The following DEF8 variants were observed in gnomAD, a reference collection of about 807,000 sequenced individuals.
The protein encoded by DEF8 is differentially expressed in FDCP 8 homolog, also known as DEF-8.
Under a neutral mutation model 59.1 loss-of-function variants are expected in DEF8, and 38 were observed. The observed-to-expected ratio is 0.64, with a 90% CI of 0.50 to 0.84. The LOEUF (loss-of-function observed/expected upper bound fraction) is 0.84. Among genes scored for constraint, DEF8 ranks in the 40% least tolerant of loss-of-function variants. DEF8 has a pLI of 0.00. For missense variants in DEF8, 557 were observed against 615.2 expected, an observed-to-expected ratio of 0.91 and a Z score of 1.00; for synonymous variants, 265 against 250.1, an observed-to-expected ratio of 1.06 and a Z score of -0.56.
At chr16:89,955,310 C>T (rs757834049) in intron 4 of DEF8, 44 bp downstream of exon 4, 6 of 1,553,330 alleles carry the variant, frequency 3.9e-6, no homozygotes, top group Middle Eastern at 1.7e-4. Flanking sequence ...GAGGGAACCC[C>T]CAAGGCAGGA....
At chr16:89,961,630 C>A in intron 7 of DEF8, 107 bp from the exon 8 acceptor site, 1 of 1,415,710 alleles carries the variant, frequency 7.1e-7, no homozygotes. Flanking sequence ...GACATGTTCC[C>A]ATGTCTCCCC....
At position 89,949,109 on chromosome 16, in the gene DEF8, TCGGGGCCGGCGGGGA is replaced by T. The variant is rs1267877782; in HGVS notation, c.-107-301_-107-287del. Among the ~76,000 whole-genome samples the T allele has an allele frequency of 3.6e-4, 20 of 55,044 alleles. No homozygotes were observed. The East Asian group carries it at 7.7e-3, about 21-fold the overall frequency. The allele number at this position is 55,044 out of a possible 152,430, so 36.1% of individuals were successfully genotyped here. A position where few individuals can be genotyped will look rare whatever the true frequency, so the allele number is the denominator to read the frequency against. On this transcript the variant is annotated intron_variant, in intron 1 of 12. Transcript: ENST00000563594. ...GCCGGCGGGGACGGGGCCGGCGAGG[TCGGGGCCGGCGGGGA>T]CGGGGCTGGGAGGGCGGCCCGCCCG... is the stretch of plus-strand genomic sequence containing the variant.
chr16:89,952,217 A>C (rs11859206), intron 2 of DEF8, among the ~76,000 whole-genome samples: 24,258 of 152,178 alleles, frequency 0.16, 2,334 homozygotes, highest in African/African-American at 0.26. Context: ...GCCTCATTGC[A>C]TTGGGCCTGG....
chr16:89,964,050 G>C, intron 10 of DEF8, 120 bp from the exon 11 acceptor site: 1 of 1,364,850 alleles, frequency 7.3e-7, no homozygotes, highest in Non-Finnish European at 1.0e-6. Flanking sequence ...CTGGGGCCCA[G>C]ACCCTTGTGT....
chr16:89,951,837 C>CAT (rs975083555), intron 2 of DEF8, among the ~76,000 whole-genome samples: 1 of 151,944 alleles, frequency 6.6e-6, no homozygotes, highest in African/African-American at 2.4e-5. Context: ...CACACACACA[C>CAT]ATATATATGT....
intron 7 of DEF8, 91 bp from the exon 8 acceptor site, chr16:89,961,646 C>T: frequency 1.3e-6 from 2 of 1,524,090 alleles, no homozygotes; most frequent in East Asian, 2.2e-5. Context: ...TCCCCGAGGG[C>T]TGTGGTCCAT....
intron 10 of DEF8, chr16:89,963,936 AG>A: frequency 1.6e-6 from 1 of 611,462 alleles, no homozygotes; most frequent in Admixed American, 2.4e-5. Flanking sequence ...TGTGGCTGGG[AG>A]GGGCTGCCTT....
At chr16:89,952,188 A>G (rs539073745) in intron 2 of DEF8, among the ~76,000 whole-genome samples, 1 of 152,322 alleles carries the variant, frequency 6.6e-6, no homozygotes, top group Non-Finnish European at 1.5e-5. Context: ...ATATTTGTAT[A>G]AAATTTAATA....
intron 7 of DEF8, 109 bp from the exon 8 acceptor site, chr16:89,961,628 C>A: frequency 7.2e-7 from 1 of 1,388,756 alleles, no homozygotes; most frequent in Non-Finnish European, 1.0e-6. Context: ...AGGACATGTT[C>A]CCATGTCTCC....
In DEF8 at chr16:89,966,022, C is replaced by A; in HGVS notation, c.*59C>A. 7.4e-7 allele frequency: 1 copy of A among 1,354,736 alleles called. No individual in the cohort carries two copies. Among genetic ancestry groups the A allele is most frequent in the Non-Finnish European group, 1.0e-6 (1 of 960,550 alleles). The allele number at this position is 1,354,736 out of a possible 1,614,324, so 83.9% of individuals were successfully genotyped here. ...CCGCCAGGACCCACCCTGCCAACAT[C>A]AAGTTGTTCCTTCTGCTCCGGAGAC... On this transcript the variant is annotated 3_prime_UTR_variant, in exon 13 of 13. Transcript: ENST00000563594.
intron 12 of DEF8, among the ~76,000 whole-genome samples, chr16:89,965,155 A>G (rs954777871): frequency 1.4e-4 from 21 of 152,366 alleles, no homozygotes; most frequent in Non-Finnish European, 2.8e-4. Flanking sequence ...TCTTGGAAAA[A>G]TAATGTACAC....
intron 6 of DEF8, among the ~76,000 whole-genome samples, chr16:89,960,382 G>A (rs1018499238): frequency 6.6e-6 from 1 of 152,144 alleles, no homozygotes; most frequent in Non-Finnish European, 1.5e-5. Flanking sequence ...GGTGGCTCAC[G>A]CCTGTAATCC....
intron 2 of DEF8, among the ~76,000 whole-genome samples, chr16:89,950,582 G>C (rs1227273296): frequency 6.6e-6 from 1 of 152,070 alleles, no homozygotes; most frequent in Non-Finnish European, 1.5e-5. Context: ...TACAGACGGG[G>C]TTTCACCATG....
intron 4 of DEF8, chr16:89,956,707 C>G (rs1482967552): frequency 6.6e-6 from 1 of 152,156 alleles, no homozygotes. Flanking sequence ...CGGGGTCTCG[C>G]TCTGTTGCCC....
At chr16:89,957,487 T>C (rs2033399127) in intron 4 of DEF8, 24 bp from the exon 5 acceptor site, 1 of 1,562,170 alleles carries the variant, frequency 6.4e-7, no homozygotes, top group African/African-American at 1.4e-5. Flanking sequence ...GGCCTTTGAC[T>C]GCCCCCGCCC....
chr16:89,961,965 C>T (rs748004294), intron 8 of DEF8, 47 bp from the exon 9 acceptor site: 19 of 1,609,430 alleles, frequency 1.2e-5, no homozygotes, highest in African/African-American at 5.3e-5. Context: ...GCCCGCTGCA[C>T]GGGCCCTGGG....
chr16:89,961,592 C>T (rs2034031450), intron 7 of DEF8, 145 bp from the exon 8 acceptor site: 1 of 969,396 alleles, frequency 1.0e-6, no homozygotes, highest in Non-Finnish European at 1.6e-6. Context: ...GACGCTGGGA[C>T]CACCTGAGGT....
chr16:89,960,795 C>T lies in DEF8; in HGVS notation c.515-136C>T, dbSNP rs1367144969. 7 of 903,206 alleles carry T rather than the reference C, an allele frequency of 7.8e-6. No homozygotes were observed. The African/African-American group carries it at 1.0e-4, about 13-fold the overall frequency. 55.9% of individuals were successfully genotyped at this position (903,206 alleles called of 1,614,324 possible). On this transcript the variant is annotated intron_variant, in intron 6 of 12. Transcript: ENST00000563594. ...AGGATCTTTGAGGTTCTAAGGCCTC[C>T]CTTGGTGCCAGGAGGTCTTAGATTG...
intron 12 of DEF8, among the ~76,000 whole-genome samples, chr16:89,964,909 G>A (rs747546696): frequency 1.8e-4 from 27 of 152,186 alleles, no homozygotes; most frequent in African/African-American, 1.4e-4. Context: ...TACTAGGATT[G>A]AAGTCACTCT....
Sources: gnomAD v4.1 joint callset for allele counts (sites outside exome capture counted in the v4.1 genomes callset) on GRCh38, gnomAD v4.1.1 for gene constraint, MANE v1.5 for transcripts, NCBI Gene and HGNC (gene_info 2026-07-23, HGNC 2026-07-21) for gene names.